CTBP2: variants seen among roughly 807,000 people sequenced by gnomAD.
The protein encoded by CTBP2 is C-terminal-binding protein 2.
CTBP2 carries 30 observed loss-of-function variants against 80.3 expected under a neutral mutation model. That is an observed-to-expected ratio of 0.37 (90% CI 0.28 to 0.51). The LOEUF is 0.51. Among genes scored for constraint, CTBP2 ranks in the 20% least tolerant of loss-of-function variants. The probability of loss-of-function intolerance (pLI) is 0.93; values close to 1 mark genes in which losing one functional copy is unlikely to be tolerated. For missense variants in CTBP2, 1,212 were observed against 1,375.3 expected (o/e 0.88, Z 1.88); for synonymous variants, 594 against 587.4 (o/e 1.01, Z -0.16).
chr10:125,083,778 G>GT (rs1554911351), intron 2 of CTBP2, among the ~76,000 whole-genome samples: 1 of 151,958 alleles, frequency 6.6e-6, no homozygotes, highest in East Asian at 1.9e-4. Context: ...CCCAGCTAAA[G>GT]TTTTTTTTGT....
At chr10:125,028,491 G>A (rs1303436904), upstream of CTBP2, among the ~76,000 whole-genome samples, 1 of 152,236 alleles carries the variant, frequency 6.6e-6, no homozygotes, top group Non-Finnish European at 1.5e-5. Context: ...AAAAGGGCCA[G>A]CTCTGAAACC....
At chr10:125,116,916 G>A (rs1037537687) in intron 1 of CTBP2, among the ~76,000 whole-genome samples, 1 of 152,216 alleles carries the variant, frequency 6.6e-6, no homozygotes. Context: ...ACAGCAGCAT[G>A]AGGCAGGATG....
rs534455267 is a variant in CTBP2, at chr10:125,084,126, T to C, written c.-102+26864A>G. ...TTTGTAGAGAAGAGAGCCCACTATG[T>C]TATTTTATTTTTTGTAGAGATGTTA... On this transcript the variant is annotated intron_variant, in intron 2 of 10. Coordinates refer to the CTBP2 transcript ENST00000337195. Among the ~76,000 whole-genome samples, 256 of 152,202 alleles carry C rather than the reference T, an allele frequency of 1.7e-3. 1 individual carries two copies. The highest frequency in any genetic ancestry group is 0.012 in the South Asian group (58 of 4,816).
At chr10:125,095,006 G>C (rs1250002877) in intron 2 of CTBP2, among the ~76,000 whole-genome samples, 1 of 152,132 alleles carries the variant, frequency 6.6e-6, no homozygotes, top group Non-Finnish European at 1.5e-5. Context: ...GTGTGGCAGG[G>C]CTGGGTGGCG....
At chr10:125,131,907 G>C (rs1856250346) in intron 1 of CTBP2, among the ~76,000 whole-genome samples, 2 of 152,194 alleles carry the variant, frequency 1.3e-5, no homozygotes, top group African/African-American at 4.8e-5. Context: ...AACTATCATG[G>C]AGCCTCCGAC....
At chr10:125,129,357 T>TCATG (rs1463294485) in intron 1 of CTBP2, among the ~76,000 whole-genome samples, 1 of 151,854 alleles carries the variant, frequency 6.6e-6, no homozygotes, top group African/African-American at 2.4e-5. Flanking sequence ...ACACTTAAGG[T>TCATG]CATGCATTTC....
intron 1 of CTBP2, among the ~76,000 whole-genome samples, chr10:125,129,292 G>A (rs534963144): frequency 6.6e-6 from 1 of 152,208 alleles, no homozygotes; most frequent in African/African-American, 2.4e-5. Flanking sequence ...GTAGCTCTTG[G>A]TAGGGCTTTG....
At chr10:125,065,965 G>C (rs1353319917) in intron 2 of CTBP2, among the ~76,000 whole-genome samples, 1 of 151,958 alleles carries the variant, frequency 6.6e-6, no homozygotes, top group African/African-American at 2.4e-5. Flanking sequence ...GCCTGGCTTG[G>C]TGGCATGCGC....
intron 2 of CTBP2, among the ~76,000 whole-genome samples, chr10:125,108,429 T>C (rs1851785194): frequency 6.6e-6 from 1 of 152,222 alleles, no homozygotes; most frequent in South Asian, 2.1e-4. Flanking sequence ...ACCTCCTTCT[T>C]CTGTGCCCAC....
intron 1 of CTBP2, among the ~76,000 whole-genome samples, chr10:125,009,764 G>A (rs755842943): frequency 1.3e-5 from 2 of 152,212 alleles, no homozygotes; most frequent in Non-Finnish European, 2.9e-5. Context: ...GACACTTGGC[G>A]TTAGACTTGT....
intron 2 of CTBP2, among the ~76,000 whole-genome samples, chr10:125,080,365 T>C (rs528114172): frequency 1.8e-4 from 27 of 151,892 alleles, no homozygotes; most frequent in Middle Eastern, 3.4e-3. Context: ...TAGCCACCAG[T>C]GCACCCAGCC....
chr10:125,050,885 T>G (rs925333331), intron 2 of CTBP2, among the ~76,000 whole-genome samples: 1 of 152,212 alleles, frequency 6.6e-6, no homozygotes, highest in East Asian at 1.9e-4. Context: ...AACCTTGTCA[T>G]AATGAACTGG....
chr10:125,157,920 A>G (rs966281720), intron 1 of CTBP2, among the ~76,000 whole-genome samples: 4 of 152,232 alleles, frequency 2.6e-5, no homozygotes, highest in Non-Finnish European at 5.9e-5. Flanking sequence ...GGAGAATGTC[A>G]GAGCAGTTCA....
At chr10:125,029,784 T>C (rs543905640), upstream of CTBP2, among the ~76,000 whole-genome samples, 16 of 152,360 alleles carry the variant, frequency 1.1e-4, no homozygotes, top group South Asian at 3.3e-3. Flanking sequence ...CTTTGCTATC[T>C]GGTTTTCAGC....
intron 1 of CTBP2, among the ~76,000 whole-genome samples, chr10:125,016,769 TTCTTC>T (rs1956537588): frequency 6.6e-6 from 1 of 152,242 alleles, no homozygotes; most frequent in African/African-American, 2.4e-5. Context: ...CCACTCTTCT[TTCTTC>T]TCTAACTTTT....
At chr10:125,049,242 C>T (rs577976980) in intron 2 of CTBP2, among the ~76,000 whole-genome samples, 19 of 152,226 alleles carry the variant, frequency 1.2e-4, no homozygotes, top group African/African-American at 3.1e-4. Context: ...TGCCCCACTA[C>T]GGGAGACAGA....
chr10:125,090,338 A>G (rs1848589275), intron 2 of CTBP2, among the ~76,000 whole-genome samples: 1 of 146,972 alleles, frequency 6.8e-6, no homozygotes, highest in Admixed American at 6.7e-5. Context: ...AACATGAAAC[A>G]GTGAAATGCA....
At chr10:125,035,116 C>T (rs1237742725) in intron 3 of CTBP2, among the ~76,000 whole-genome samples, 2 of 152,220 alleles carry the variant, frequency 1.3e-5, no homozygotes, top group Admixed American at 6.5e-5. Context: ...AAACTCCCTT[C>T]CACCTCATCC....
chr10:125,026,016 C>T, intron 1 of CTBP2: 5 of 1,514,710 alleles, frequency 3.3e-6, no homozygotes, highest in Non-Finnish European at 4.4e-6. Flanking sequence ...GTTCAAACTT[C>T]TACAACCCCG....
Sources: allele counts gnomAD v4.1 joint callset (sites outside exome capture counted in the v4.1 genomes callset), GRCh38; gene constraint gnomAD v4.1.1; transcripts MANE v1.5; gene names NCBI Gene and HGNC (gene_info 2026-07-23, HGNC 2026-07-21).